Variants in GSAP observed in about 807,000 individuals in gnomAD.
GSAP encodes the protein gamma-secretase activating protein.
In GSAP, 118 loss-of-function variants were observed where a neutral mutation model predicts 131.7. The observed-to-expected ratio is 0.90, with a 90% CI of 0.77 to 1.04. GSAP has a LOEUF of 1.04. Among genes scored for constraint, GSAP ranks in the 50% least tolerant of loss-of-function variants. The pLI, the probability that GSAP is intolerant of heterozygous loss-of-function variation, is 0.00. For synonymous variants in GSAP, 381 were observed against 363.4 expected (o/e 1.05, Z -0.55); for missense variants, 1,019 against 1,013.2 (o/e 1.01, Z -0.08).
intron 10 of GSAP, among the ~76,000 whole-genome samples, chr7:77,376,398 C>G (rs1356421303): frequency 3.3e-5 from 5 of 152,180 alleles, no homozygotes; most frequent in African/African-American, 1.2e-4. Context: ...GTGGCAAGAA[C>G]TAATTTTACT....
At chr7:77,394,338 A>G (rs1258429505) in intron 5 of GSAP, among the ~76,000 whole-genome samples, 5 of 152,144 alleles carry the variant, frequency 3.3e-5, no homozygotes, top group Admixed American at 2.6e-4. Context: ...TTGAACAGCG[A>G]GTCTACCAAG....
intron 5 of GSAP, among the ~76,000 whole-genome samples, chr7:77,389,313 TGTTTG>T (rs1200813842): frequency 4.0e-5 from 6 of 148,556 alleles, no homozygotes; most frequent in Admixed American, 6.6e-5. Flanking sequence ...ATTTTTTGTT[TGTTTG>T]TTTTGTTTTG....
chr7:77,379,082 C>A (rs1485552116), intron 8 of GSAP, among the ~76,000 whole-genome samples: 1 of 152,058 alleles, frequency 6.6e-6, no homozygotes, highest in African/African-American at 2.4e-5. Context: ...GAGAAAAGAT[C>A]CAAGAGGACC....
rs886901632 is a variant in GSAP, at chr7:77,365,125, AT to A, written c.872-2466del. Among the ~76,000 whole-genome samples, 66 of 151,546 alleles carry A rather than the reference AT, an allele frequency of 4.4e-4. No individual in the cohort carries two copies. In the Middle Eastern group the frequency reaches 0.01, roughly 23 times the overall value. On this transcript the variant is annotated intron_variant, in intron 12 of 30. Transcript: ENST00000257626. ...ACATGTGTGCCTGGCTAATTATTTT[AT>A]TTTTTTTAAGAGATGGAGTCTATGT... is the stretch of plus-strand genomic sequence containing the variant.
chr7:77,333,753 T>C (rs770486517), intron 19 of GSAP, among the ~76,000 whole-genome samples: 102 of 152,162 alleles, frequency 6.7e-4, no homozygotes, highest in Admixed American at 9.8e-4. Context: ...GATACCAGCA[T>C]GCTCATTATC....
chr7:77,330,444 C>A (rs1299986883), intron 19 of GSAP, 77 bp from the exon 20 acceptor site: 9 of 1,524,530 alleles, frequency 5.9e-6, no homozygotes, highest in African/African-American at 1.4e-5. Context: ...ATTACACAAG[C>A]CTTATTTCCC....
At chr7:77,355,113 T>C (rs571260917) in intron 16 of GSAP, 100 bp downstream of exon 16, 23 of 754,864 alleles carry the variant, frequency 3.0e-5, no homozygotes, top group African/African-American at 2.3e-4. Context: ...CTCAATTAAT[T>C]GTTACTAAAT....
rs773127621 is a variant in GSAP at position 77,314,455 on chromosome 7, C to G, written c.2124G>C (p.Gln708His). 5.0e-6 allele frequency: 8 copies of G among 1,613,750 alleles called. No individual in the cohort carries two copies. The African/African-American group carries it at 8.0e-5, about 16-fold the overall frequency. ...FHTLHTILGVQCLPLHNLLHC... is the reference protein window; with the variant it reads ...FHTLHTILGVHCLPLHNLLHC... Reference sequence around the variant, plus strand: ...GCAGCAGGTTATGCAAAGGGAGACACTGGACCCCGAGGATGGTGTGCAGAG... The same window carrying G: ...GCAGCAGGTTATGCAAAGGGAGACAGTGGACCCCGAGGATGGTGTGCAGAG... The change falls in exon 27 of 31, where the codon CAG (glutamine) becomes CAC (histidine). Residue 708 changes from glutamine to histidine, a missense_variant. Coordinates refer to ENST00000257626, the MANE Select transcript of GSAP (RefSeq NM_017439.4).
At chr7:77,362,371 C>A (rs2150921840) in intron 13 of GSAP, among the ~76,000 whole-genome samples, 1 of 152,256 alleles carries the variant, frequency 6.6e-6, no homozygotes, top group Admixed American at 6.5e-5. Context: ...CCTGTAGTCC[C>A]AGCTACTTGG....
chr7:77,391,154 G>C (rs796653130), intron 5 of GSAP, among the ~76,000 whole-genome samples: 2 of 130,770 alleles, frequency 1.5e-5, no homozygotes, highest in African/African-American at 5.6e-5. Context: ...AAAAGAAAAA[G>C]AAAAAGAATA....
rs1041991384 is a variant in GSAP, at chr7:77,416,287, C to T, written c.35G>A (p.Gly12Glu). The T allele has an allele frequency of 1.4e-5, 21 of 1,496,894 alleles. No individual in the cohort carries two copies. Among genetic ancestry groups the T allele is most frequent in the Non-Finnish European group, 1.9e-5 (21 of 1,124,884 alleles). 92.7% of individuals were successfully genotyped at this position (1,496,894 alleles called of 1,614,324 possible). Residue 12 changes from glycine to glutamate, a missense_variant, in exon 1 of 31, where the codon GGG (glycine) becomes GAG (glutamate). By Grantham distance (98) the Gly-to-Glu change is moderately conservative. Transcript: ENST00000257626. ...CCGCAACCACGGGAGCACGTCCTTC[C>T]CGAGGTCGAAGTCGGCGACCAGGCG... ...ALRLVADFDL[G>E]KDVLPWLRAQ...
At chr7:77,389,431 TC>T (rs1192894642) in intron 5 of GSAP, among the ~76,000 whole-genome samples, 6 of 130,234 alleles carry the variant, frequency 4.6e-5, no homozygotes, top group East Asian at 4.9e-4. Flanking sequence ...ACGCTATCCC[TC>T]CCCCCCTCCC....
chr7:77,398,402 C>T (rs1800783865), intron 3 of GSAP, among the ~76,000 whole-genome samples: 1 of 143,756 alleles, frequency 7.0e-6, no homozygotes, highest in South Asian at 2.1e-4. Context: ...CTTGCTCTAA[C>T]TGAGGGATTC....
rs1031881332 is a variant in GSAP at position 77,397,223 on chromosome 7, G to A, written c.313+123C>T. The A allele has an allele frequency of 8.1e-6, 6 of 738,614 alleles. No homozygotes were observed. In the African/African-American group the frequency reaches 8.9e-5, roughly 11 times the overall value. The allele number at this position is 738,614 out of a possible 1,614,324, so 45.8% of individuals were successfully genotyped here. A position where few individuals can be genotyped will look rare whatever the true frequency, so the allele number is the denominator to read the frequency against. ...CTTTATTTCAAACTTAACTTCTCAA[G>A]AACATTTCTTTCCTAGGAAATTATT... On this transcript the variant is annotated intron_variant, in intron 4 of 30. Transcript: ENST00000257626.
chr7:77,326,227 C>A lies in GSAP; in HGVS notation c.1812G>T (p.Arg604=). 2 of 1,612,526 alleles carry A rather than the reference C, an allele frequency of 1.2e-6. No homozygotes were observed. The highest frequency in any genetic ancestry group is 1.7e-6 in the Non-Finnish European group (2 of 1,178,918). The change falls in exon 23 of 31, where the codon CGG becomes CGT. Residue 604 remains arginine (R), a synonymous_variant. Coordinates refer to ENST00000257626, the MANE Select transcript of GSAP (RefSeq NM_017439.4). ...TACCACTTACCAGCCCCATGAGCAGCCGCTGGTGGCTGTCTTCCTCCTGCA... is the reference window on the plus strand; with the variant it reads ...TACCACTTACCAGCCCCATGAGCAGACGCTGGTGGCTGTCTTCCTCCTGCA... ...PLLQEEDSHQ[R]LLMGLMVSEL... is the part of the protein sequence containing the mutation.
rs140522307 is a variant in GSAP, at chr7:77,407,175, TA to T, written c.110-1071del. On this transcript the variant is annotated intron_variant, in intron 1 of 30. Coordinates refer to ENST00000257626, the MANE Select transcript of GSAP (RefSeq NM_017439.4). ...ATAGTTGGGTCTGAAAAATTACACA[TA>T]AGTTTTTAATATAGGAGCTGGATTA... is the stretch of plus-strand genomic sequence containing the variant. Among the ~76,000 whole-genome samples the T allele has an allele frequency of 9.6e-3, 1,459 of 152,316 alleles. 30 individuals are homozygous for T. Among genetic ancestry groups the T allele is most frequent in the African/African-American group, 0.034 (1,406 of 41,558 alleles).
rs145690464 is a variant in GSAP, at chr7:77,394,715, T to C, written c.367+2267A>G. Among the ~76,000 whole-genome samples, 596 of 152,322 alleles carry C rather than the reference T, an allele frequency of 3.9e-3. 3 individuals are homozygous for C. Among genetic ancestry groups the C allele is most frequent in the African/African-American group, 0.013 (558 of 41,574 alleles). Reference sequence around the variant, plus strand: ...GAGTACACCTCACAATTACCCACTTTAGAGATGGAAAGGAAGACCATTTAT... The same window carrying C: ...GAGTACACCTCACAATTACCCACTTCAGAGATGGAAAGGAAGACCATTTAT... On this transcript the variant is annotated intron_variant, in intron 5 of 30. Coordinates refer to ENST00000257626, the MANE Select transcript of GSAP (RefSeq NM_017439.4).
intron 19 of GSAP, among the ~76,000 whole-genome samples, chr7:77,346,716 AG>A (rs2150802651): frequency 6.9e-6 from 1 of 145,184 alleles, no homozygotes; most frequent in Admixed American, 6.9e-5. Context: ...CCTCAAAAAA[AG>A]AAAAAAAAAA....
chr7:77,336,803 T>G (rs1790053796), intron 19 of GSAP, among the ~76,000 whole-genome samples: 1 of 152,148 alleles, frequency 6.6e-6, no homozygotes, highest in African/African-American at 2.4e-5. Flanking sequence ...CATCTTATTT[T>G]TTTAAATCTA....
Sources: allele counts gnomAD v4.1 joint callset (sites outside exome capture counted in the v4.1 genomes callset), GRCh38; gene constraint gnomAD v4.1.1; transcripts MANE v1.5; gene names NCBI Gene and HGNC (gene_info 2026-07-23, HGNC 2026-07-21).